The following KCNG3 variants were observed in gnomAD, a reference collection of about 807,000 sequenced individuals.
The protein encoded by KCNG3 is voltage-gated potassium channel regulatory subunit KCNG3.
Under a neutral mutation model 29.0 loss-of-function variants are expected in KCNG3, and 15 were observed. The ratio of observed to expected loss-of-function variants is 0.52; its 90% CI spans 0.35 to 0.80. The LOEUF (loss-of-function observed/expected upper bound fraction) is 0.80. Ranked by LOEUF, KCNG3 falls within the 30% of genes least tolerant of loss-of-function variation. KCNG3 has a pLI of 0.01. For synonymous variants in KCNG3, 322 were observed against 248.9 expected, an observed-to-expected ratio of 1.29 and a Z score of -2.76; for missense variants, 512 against 605.7, an observed-to-expected ratio of 0.85 and a Z score of 1.62.
chr2:42,443,841 C>A lies in KCNG3; in HGVS notation c.*93G>T. ...TTACCCTACCAAGATGATGACAATG[C>A]CACTGCAGTGCTCACCCAGCAAGAA... On this transcript the variant is annotated 3_prime_UTR_variant, in exon 2 of 2. Coordinates refer to ENST00000306078, the MANE Select transcript of KCNG3 (RefSeq NM_133329.6). 8.4e-7 allele frequency: 1 copy of A among 1,189,944 alleles called. No individual in the cohort carries two copies. The highest frequency in any genetic ancestry group is 1.5e-5 in the South Asian group (1 of 67,124). 73.7% of individuals were successfully genotyped at this position (1,189,944 alleles called of 1,614,324 possible). A position where few individuals can be genotyped will look rare whatever the true frequency, so the allele number is the denominator to read the frequency against.
chr2:42,413,945 A>G, the KCNG3 span, among the ~76,000 whole-genome samples: 50 of 152,284 alleles, frequency 3.3e-4, 1 homozygote, highest in Admixed American at 5.9e-4. Context: ...CAGCCAAACC[A>G]TATCAGTATT....
chr2:42,455,646 G>A (rs1672858827), intron 1 of KCNG3, among the ~76,000 whole-genome samples: 2 of 152,106 alleles, frequency 1.3e-5, no homozygotes, highest in African/African-American at 2.4e-5. Flanking sequence ...GCATGTGCCT[G>A]TAGTCCCAGT....
At chr2:42,482,998 G>A (rs1040117329) in intron 1 of KCNG3, among the ~76,000 whole-genome samples, 2 of 151,988 alleles carry the variant, frequency 1.3e-5, no homozygotes, top group African/African-American at 4.8e-5. Context: ...GTGTGTGCCT[G>A]TAGTCCCAGC....
chr2:42,457,690 C>T (rs967747063), intron 1 of KCNG3, among the ~76,000 whole-genome samples: 1 of 149,216 alleles, frequency 6.7e-6, no homozygotes, highest in African/African-American at 2.5e-5. Flanking sequence ...CAGTGGCTCA[C>T]ACCTCTGATC....
intron 1 of KCNG3, among the ~76,000 whole-genome samples, chr2:42,480,191 T>C (rs1673547151): frequency 6.6e-6 from 1 of 152,170 alleles, no homozygotes; most frequent in Non-Finnish European, 1.5e-5. Flanking sequence ...TAAGTCAGGG[T>C]GGTCCTCAGT....
At chr2:42,477,372 T>TAC (rs1558386554) in intron 1 of KCNG3, among the ~76,000 whole-genome samples, 1 of 101,724 alleles carries the variant, frequency 9.8e-6, no homozygotes, top group East Asian at 4.3e-4. Flanking sequence ...TACATATATA[T>TAC]ACACACACAT....
the KCNG3 span, among the ~76,000 whole-genome samples, chr2:42,420,776 G>A: frequency 6.6e-6 from 1 of 151,910 alleles, no homozygotes; most frequent in Non-Finnish European, 1.5e-5. Flanking sequence ...GGTAACAAGA[G>A]CAAAACTCTG....
At chr2:42,432,855 G>A in the KCNG3 span, among the ~76,000 whole-genome samples, 1 of 149,742 alleles carries the variant, frequency 6.7e-6, no homozygotes, top group African/African-American at 2.5e-5. Context: ...TGTATTTCCT[G>A]ATATAGACAG....
chr2:42,485,953 A>G (rs1673709293), intron 1 of KCNG3, among the ~76,000 whole-genome samples: 1 of 152,164 alleles, frequency 6.6e-6, no homozygotes, highest in Admixed American at 6.5e-5. Context: ...TTATCAAGGG[A>G]GATTGTGAAT....
intron 1 of KCNG3, among the ~76,000 whole-genome samples, chr2:42,484,448 G>A (rs1300865142): frequency 2.6e-5 from 4 of 152,184 alleles, no homozygotes; most frequent in Admixed American, 6.6e-5. Context: ...GCAACAGAGC[G>A]AGACTCCGTC....
the KCNG3 span, among the ~76,000 whole-genome samples, chr2:42,426,521 CCA>C: frequency 6.6e-6 from 1 of 152,088 alleles, no homozygotes; most frequent in African/African-American, 2.4e-5. Flanking sequence ...GTACAACTGA[CCA>C]CACACACAAT....
the KCNG3 span, among the ~76,000 whole-genome samples, chr2:42,398,564 C>T: frequency 6.6e-6 from 1 of 152,144 alleles, no homozygotes; most frequent in Non-Finnish European, 1.5e-5. Context: ...AGAAACCAAT[C>T]TTTTGTTATT....
Position 42,444,651 on chromosome 2 carries a change from A to C in KCNG3, c.666-72T>G. ...TTTAATAGCTCTTAGATTTCTTCAG[A>C]TAGTACTACACTGACATACTAATTC... On this transcript the variant is annotated intron_variant, in intron 1 of 1. Coordinates refer to ENST00000306078, the MANE Select transcript of KCNG3 (RefSeq NM_133329.6). The surrounding 1 kb of genome is among the most constrained non-coding windows in gnomAD (Gnocchi z 5.8). The C allele has an allele frequency of 7.5e-7, 1 of 1,331,054 alleles. No individual in the cohort carries two copies. 82.5% of individuals were successfully genotyped at this position (1,331,054 alleles called of 1,614,324 possible).
the KCNG3 span, among the ~76,000 whole-genome samples, chr2:42,418,199 A>G: frequency 5.9e-5 from 9 of 152,128 alleles, no homozygotes; most frequent in Admixed American, 1.3e-4. Context: ...GTGGAATCAT[A>G]CAATGTTTGT....
chr2:42,472,932 C>A (rs1309856211), intron 1 of KCNG3, among the ~76,000 whole-genome samples: 3 of 137,446 alleles, frequency 2.2e-5, no homozygotes, highest in Non-Finnish European at 4.6e-5. Context: ...AACAGAGTCT[C>A]GCTCTGTTGC....
At chr2:42,435,161 G>A in the KCNG3 span, among the ~76,000 whole-genome samples, 1 of 152,088 alleles carries the variant, frequency 6.6e-6, no homozygotes, top group South Asian at 2.1e-4. Flanking sequence ...AAATTAGCCA[G>A]GCATGGTGGC....
rs1331240199 is a variant in KCNG3 at position 42,444,639 on chromosome 2, A to C, written c.666-60T>G. 1.4e-6 allele frequency: 2 copies of C among 1,414,346 alleles called. No homozygotes were observed. The highest frequency in any genetic ancestry group is 1.3e-5 in the South Asian group (1 of 74,850). 87.6% of individuals were successfully genotyped at this position (1,414,346 alleles called of 1,614,324 possible). ...ATTTTTAAGCATTTTAATAGCTCTTAGATTTCTTCAGATAGTACTACACTG... is the reference window on the plus strand; with the variant it reads ...ATTTTTAAGCATTTTAATAGCTCTTCGATTTCTTCAGATAGTACTACACTG... On this transcript the variant is annotated intron_variant, in intron 1 of 1. Transcript: ENST00000306078. This position sits in a 1 kb window ranked among gnomAD's most constrained non-coding sequence, Gnocchi z 5.8.
chr2:42,485,862 T>C (rs1673707765), intron 1 of KCNG3, among the ~76,000 whole-genome samples: 1 of 152,252 alleles, frequency 6.6e-6, no homozygotes, highest in South Asian at 2.1e-4. Context: ...GCAAACTGCC[T>C]GAAAAATCTA....
intron 1 of KCNG3, among the ~76,000 whole-genome samples, chr2:42,460,977 T>C (rs927352654): frequency 6.6e-6 from 1 of 151,862 alleles, no homozygotes; most frequent in Non-Finnish European, 1.5e-5. Context: ...CTGGCTAACG[T>C]GGTGAAACCC....
Sources: gnomAD v4.1 joint callset for allele counts (sites outside exome capture counted in the v4.1 genomes callset) on GRCh38, gnomAD v4.1.1 for gene constraint, Gnocchi (gnomAD v3.1) non-coding constraint, MANE v1.5 for transcripts, NCBI Gene and HGNC (gene_info 2026-07-23, HGNC 2026-07-21) for gene names.